Variants in ESPNL observed in about 807,000 individuals in gnomAD.
ESPNL encodes espin-like protein.
A neutral mutation model predicts 46.8 loss-of-function variants in ESPNL; 49 were observed. That is an observed-to-expected ratio of 1.05 (90% CI 0.83 to 1.33). The LOEUF (loss-of-function observed/expected upper bound fraction) is 1.33. Ranked by LOEUF, ESPNL falls within the 40% of genes most tolerant of loss-of-function variation. The pLI is 0.00. For synonymous variants in ESPNL, 664 were observed against 662.1 expected (o/e 1.00, Z -0.04); for missense variants, 1,540 against 1,436.6 (o/e 1.07, Z -1.16).
chr2:238,108,749 G>A (rs1025688558), intron 4 of ESPNL, among the ~76,000 whole-genome samples: 3 of 152,172 alleles, frequency 2.0e-5, no homozygotes, highest in South Asian at 2.1e-4. Context: ...ACCAACCATC[G>A]CATTCTGGGT....
chr2:238,116,846 C>A, intron 4 of ESPNL, 57 bp from the exon 5 acceptor site: 1 of 1,593,744 alleles, frequency 6.3e-7, no homozygotes, highest in South Asian at 1.1e-5. Flanking sequence ...CAGGGCCAGT[C>A]CCATGGGCAC....
At chr2:238,127,003 G>GTC (rs1251137356) in intron 6 of ESPNL, among the ~76,000 whole-genome samples, 4 of 150,096 alleles carry the variant, frequency 2.7e-5, no homozygotes, top group Admixed American at 2.7e-4. Context: ...GTGTGATTGT[G>GTC]TATCTGTGTG....
chr2:238,120,853 G>A (rs1691972189), intron 5 of ESPNL, among the ~76,000 whole-genome samples: 1 of 152,254 alleles, frequency 6.6e-6, no homozygotes, highest in African/African-American at 2.4e-5. Context: ...GTCCGCAGGG[G>A]CTGCTCACAC....
chr2:238,106,781 G>A (rs1244514670), intron 3 of ESPNL, among the ~76,000 whole-genome samples: 1 of 152,118 alleles, frequency 6.6e-6, no homozygotes, highest in Non-Finnish European at 1.5e-5. Context: ...AGGCATGAGC[G>A]GCCTTCCTGG....
At chr2:238,106,666 G>A (rs890132300) in intron 3 of ESPNL, among the ~76,000 whole-genome samples, 6 of 152,206 alleles carry the variant, frequency 3.9e-5, no homozygotes, top group Non-Finnish European at 7.3e-5. Context: ...CCTGGCTCCT[G>A]GGATGAGCGG....
intron 5 of ESPNL, among the ~76,000 whole-genome samples, chr2:238,120,687 T>G (rs979382660): frequency 6.6e-6 from 1 of 152,234 alleles, no homozygotes; most frequent in African/African-American, 2.4e-5. Flanking sequence ...CTGGAGCCTG[T>G]CTCCGTCTTC....
Position 238,131,320 on chromosome 2 carries a change from A to T in ESPNL, c.2606A>T (p.Asp869Val), listed in dbSNP as rs569307442. The T allele has an allele frequency of 3.2e-5, 50 of 1,586,740 alleles. 1 individual carries two copies. The South Asian group carries it at 5.4e-4, about 17-fold the overall frequency. The change falls in exon 9 of 9, where the codon GAC (aspartate) becomes GTC (valine). Residue 869 changes from aspartate to valine, a missense_variant. Transcript: ENST00000343063. ...GGTTACTTCCAGCTGCTGGAGTGCGACCTGCCGGCGGAGGAGCGGAAGCTG... is the reference window on the plus strand; with the variant it reads ...GGTTACTTCCAGCTGCTGGAGTGCGTCCTGCCGGCGGAGGAGCGGAAGCTG... The part of the protein sequence containing the change: ...MLGYFQLLEC[D>V]LPAEERKLRH...
intron 1 of ESPNL, among the ~76,000 whole-genome samples, chr2:238,101,465 C>T (rs1436129398): frequency 6.6e-6 from 1 of 152,224 alleles, no homozygotes; most frequent in African/African-American, 2.4e-5. Flanking sequence ...GGGATCCATT[C>T]TGACAGGGCC....
At chr2:238,121,833 G>A (rs1691994055) in intron 5 of ESPNL, among the ~76,000 whole-genome samples, 1 of 152,214 alleles carries the variant, frequency 6.6e-6, no homozygotes, top group South Asian at 2.1e-4. Context: ...TTTTATATAT[G>A]AGGAAACTGA....
At chr2:238,109,714 C>A (rs1372280540) in intron 4 of ESPNL, among the ~76,000 whole-genome samples, 1 of 152,270 alleles carries the variant, frequency 6.6e-6, no homozygotes, top group East Asian at 1.9e-4. Context: ...AATTAGTGAA[C>A]CCAAACTAGC....
intron 8 of ESPNL, chr2:238,129,124 G>T: frequency 7.1e-7 from 1 of 1,405,366 alleles, no homozygotes; most frequent in Non-Finnish European, 9.2e-7. Flanking sequence ...TGGGTCCCAC[G>T]TATCCTTCCA....
intron 2 of ESPNL, among the ~76,000 whole-genome samples, chr2:238,103,833 G>A (rs1018371746): frequency 6.6e-6 from 1 of 152,210 alleles, no homozygotes; most frequent in African/African-American, 2.4e-5. Flanking sequence ...CCAGAAAGCA[G>A]CCACCAAGGT....
intron 7 of ESPNL, 31 bp from the exon 8 acceptor site, chr2:238,128,676 G>A (rs566681366): frequency 2.6e-6 from 4 of 1,566,804 alleles, no homozygotes; most frequent in African/African-American, 1.4e-5. Flanking sequence ...GGTCCCCTTC[G>A]GGCCTGTGTG....
chr2:238,103,775 A>G (rs952807744), intron 2 of ESPNL, among the ~76,000 whole-genome samples: 1 of 152,178 alleles, frequency 6.6e-6, no homozygotes, highest in Non-Finnish European at 1.5e-5. Context: ...GAGGGAGTGG[A>G]CCCTCAGGCT....
At chr2:238,104,519 G>A (rs1019989228) in intron 2 of ESPNL, 137 bp from the exon 3 acceptor site, 11 of 1,018,376 alleles carry the variant, frequency 1.1e-5, no homozygotes, top group Non-Finnish European at 1.4e-5. Flanking sequence ...GGGGAACCCC[G>A]CAGCAGCAGC....
In ESPNL at chr2:238,130,437, G is replaced by C. The variant is rs1248190982; in HGVS notation, c.1723G>C (p.Gly575Arg). The C allele has an allele frequency of 1.3e-5, 21 of 1,605,760 alleles. No individual in the cohort carries two copies. Among genetic ancestry groups the C allele is most frequent in the Non-Finnish European group, 1.7e-5 (20 of 1,177,118 alleles). ...EASIPAAEPA[G>R]SAEASEVAPG... is the part of the protein sequence containing the mutation. ...CTCAATCCCAGCGGCTGAGCCCGCA[G>C]GGTCTGCGGAGGCCTCAGAGGTGGC... Residue 575 changes from glycine to arginine, a missense_variant, in exon 9 of 9, where the codon GGG (glycine) becomes CGG (arginine). Physicochemically the swap from Gly to Arg is moderately radical, Grantham distance 125. Transcript: ENST00000343063.
At chr2:238,118,211 TG>T (rs1691859788) in intron 5 of ESPNL, among the ~76,000 whole-genome samples, 1 of 93,980 alleles carries the variant, frequency 1.1e-5, no homozygotes, top group Non-Finnish European at 2.0e-5. Flanking sequence ...GGAGGGCAGA[TG>T]GAGCAGCAGA....
rs769865677 is a variant in ESPNL at position 238,100,542 on chromosome 2, C to G, written c.123C>G (p.His41Gln). Residue 41 changes from histidine (H) to glutamine (Q), a missense_variant, in exon 1 of 9, where the codon CAC becomes CAG. Physicochemically the swap from His to Gln is conservative, Grantham distance 24. Coordinates refer to ENST00000343063, the MANE Select transcript of ESPNL (RefSeq NM_194312.4). The stretch of plus-strand genomic sequence containing the variant: ...ATGCTCTGGGGGCCGGCCTGGTTCA[C>G]CACGCCACCCGGGCTGGCCACCTGG... Reference protein sequence around the residue: ...ITDALGAGLVHHATRAGHLDC... With the variant: ...ITDALGAGLVQHATRAGHLDC... 3.1e-6 allele frequency: 5 copies of G among 1,593,272 alleles called. No homozygotes were observed. In the South Asian group the frequency reaches 5.7e-5, roughly 18 times the overall value.
intron 4 of ESPNL, among the ~76,000 whole-genome samples, chr2:238,115,441 G>T (rs1691795380): frequency 6.6e-6 from 1 of 152,218 alleles, no homozygotes; most frequent in African/African-American, 2.4e-5. Flanking sequence ...CAGTTAGCTG[G>T]CCAAGTTCTC....
Sources: allele counts gnomAD v4.1 joint callset (sites outside exome capture counted in the v4.1 genomes callset), GRCh38; gene constraint gnomAD v4.1.1; transcripts MANE v1.5; gene names NCBI Gene and HGNC (gene_info 2026-07-23, HGNC 2026-07-21).